Variants in ADAMTSL1 observed in about 807,000 individuals in gnomAD.
The protein encoded by ADAMTSL1 is ADAMTS like 1.
ADAMTSL1 carries 126 observed loss-of-function variants against 201.8 expected under a neutral mutation model. The ratio of observed to expected loss-of-function variants is 0.62; its 90% CI spans 0.54 to 0.72. The LOEUF (loss-of-function observed/expected upper bound fraction) is 0.72. Among genes scored for constraint, ADAMTSL1 ranks in the 30% least tolerant of loss-of-function variants. ADAMTSL1 has a pLI of 0.00. For missense variants in ADAMTSL1, 2,679 were observed against 2,277.8 expected (o/e 1.18, Z -3.59); for synonymous variants, 1,121 against 903.4 (o/e 1.24, Z -4.32).
chr9:18,510,590 C>G (rs1817967266), intron 2 of ADAMTSL1, among the ~76,000 whole-genome samples: 2 of 152,054 alleles, frequency 1.3e-5, no homozygotes, highest in Non-Finnish European at 2.9e-5. Context: ...TGATCATTGC[C>G]TTTATCTGCA....
chr9:18,039,495 T>G (rs1372092147), intron 1 of ADAMTSL1, among the ~76,000 whole-genome samples: 3 of 152,132 alleles, frequency 2.0e-5, no homozygotes, highest in Admixed American at 2.0e-4. Flanking sequence ...GTATTATTGG[T>G]GTATTTTTAT....
At chr9:18,131,837 G>A (rs950365629) in intron 1 of ADAMTSL1, among the ~76,000 whole-genome samples, 1 of 152,118 alleles carries the variant, frequency 6.6e-6, no homozygotes, top group African/African-American at 2.4e-5. Flanking sequence ...GGGCCACCTT[G>A]CTTCCCTAAG....
intron 1 of ADAMTSL1, among the ~76,000 whole-genome samples, chr9:18,486,484 G>A (rs1822000634): frequency 1.3e-5 from 2 of 152,142 alleles, no homozygotes; most frequent in Non-Finnish European, 2.9e-5. Context: ...CAGGAGGATC[G>A]CTTGAGCCCA....
intron 19 of ADAMTSL1, among the ~76,000 whole-genome samples, chr9:18,793,485 T>C (rs1822179883): frequency 6.6e-6 from 1 of 152,164 alleles, no homozygotes; most frequent in Non-Finnish European, 1.5e-5. Context: ...GGCTTAATCT[T>C]ACCACAGAGT....
intron 13 of ADAMTSL1, among the ~76,000 whole-genome samples, chr9:18,689,101 A>G (rs944718): frequency 0.54 from 81,828 of 151,734 alleles, 22,383 homozygotes; most frequent in East Asian, 0.74. Context: ...GAAACTCTCA[A>G]AAGTGTACAT....
intron 23 of ADAMTSL1, among the ~76,000 whole-genome samples, chr9:18,881,853 G>C (rs988961845): frequency 1.3e-5 from 2 of 152,118 alleles, no homozygotes; most frequent in East Asian, 3.9e-4. Flanking sequence ...CCACATCCAT[G>C]GCAGGCCTGC....
intron 2 of ADAMTSL1, among the ~76,000 whole-genome samples, chr9:18,165,871 C>A (rs866849072): frequency 2.0e-5 from 3 of 151,994 alleles, no homozygotes; most frequent in Non-Finnish European, 4.4e-5. Context: ...TCGCCGTAAT[C>A]TCCGTTTGTC....
At chr9:18,303,986 G>A (rs12235198) in intron 2 of ADAMTSL1, among the ~76,000 whole-genome samples, 12,556 of 152,022 alleles carry the variant, frequency 0.083, 674 homozygotes, top group East Asian at 0.22. Context: ...CTCTCCACCC[G>A]TTCCGACAGT....
intron 2 of ADAMTSL1, among the ~76,000 whole-genome samples, chr9:18,356,825 T>C (rs939345096): frequency 3.3e-5 from 5 of 152,210 alleles, no homozygotes; most frequent in South Asian, 4.1e-4. Flanking sequence ...AAGAAAGTGC[T>C]ATTGTCCATT....
intron 3 of ADAMTSL1, among the ~76,000 whole-genome samples, chr9:18,563,899 C>A (rs1475136998): frequency 6.6e-6 from 1 of 152,232 alleles, no homozygotes; most frequent in African/African-American, 2.4e-5. Flanking sequence ...CTTCAGACTG[C>A]TGTGCTGGCA....
At chr9:18,033,723 A>C (rs986854847) in intron 1 of ADAMTSL1, among the ~76,000 whole-genome samples, 4 of 152,206 alleles carry the variant, frequency 2.6e-5, no homozygotes, top group African/African-American at 9.7e-5. Flanking sequence ...CACCGTCTGC[A>C]CGCTATAGTT....
chr9:18,141,538 C>T (rs539624879), intron 1 of ADAMTSL1, among the ~76,000 whole-genome samples: 2 of 152,280 alleles, frequency 1.3e-5, no homozygotes, highest in African/African-American at 4.8e-5. Flanking sequence ...AAGTAACCAG[C>T]TAGAGGCAGC....
intron 2 of ADAMTSL1, among the ~76,000 whole-genome samples, chr9:18,418,197 A>G (rs1265462307): frequency 3.3e-5 from 5 of 152,198 alleles, no homozygotes; most frequent in African/African-American, 1.2e-4. Flanking sequence ...GTTTCTTCTA[A>G]CTGATAAAGA....
chr9:18,681,400 T>C (rs1830461075), intron 11 of ADAMTSL1: 1 of 152,776 alleles, frequency 6.5e-6, no homozygotes, highest in Admixed American at 6.5e-5. Flanking sequence ...TTGATATCCA[T>C]GTAGGGGTAT....
intron 1 of ADAMTSL1, among the ~76,000 whole-genome samples, chr9:18,033,728 A>G (rs528184052): frequency 9.8e-5 from 15 of 152,350 alleles, no homozygotes; most frequent in Non-Finnish European, 2.1e-4. Flanking sequence ...TCTGCACGCT[A>G]TAGTTCCATC....
At chr9:18,412,936 C>G (rs1049349945) in intron 2 of ADAMTSL1, among the ~76,000 whole-genome samples, 3 of 152,076 alleles carry the variant, frequency 2.0e-5, no homozygotes, top group African/African-American at 7.2e-5. Flanking sequence ...ATTTTTGCAT[C>G]TATATCCAAG....
rs542089851 is a variant in ADAMTSL1 at position 18,360,915 on chromosome 9, G to A, written c.208-143914G>A. Among the ~76,000 whole-genome samples, 145 of 152,032 alleles carry A rather than the reference G, an allele frequency of 9.5e-4. 1 individual carries two copies. The highest frequency in any genetic ancestry group is 1.6e-3 in the Non-Finnish European group (108 of 68,006). Reference sequence around the variant, plus strand: ...ACCATTTTTAAGTTTCCCATCTCCTGCTTTCCCTGCCGCCAAATAAATGAA... The same window carrying A: ...ACCATTTTTAAGTTTCCCATCTCCTACTTTCCCTGCCGCCAAATAAATGAA... On this transcript the variant is annotated intron_variant, in intron 2 of 29. Coordinates refer to the ADAMTSL1 transcript ENST00000680146.
chr9:18,903,063 G>C (rs926572523), intron 26 of ADAMTSL1, among the ~76,000 whole-genome samples: 1 of 152,152 alleles, frequency 6.6e-6, no homozygotes, highest in Non-Finnish European at 1.5e-5. Context: ...AAATTAGCCA[G>C]GTGTGTTGGT....
At chr9:17,968,803 A>G (rs1387405118) in intron 1 of ADAMTSL1, among the ~76,000 whole-genome samples, 3 of 152,122 alleles carry the variant, frequency 2.0e-5, no homozygotes, top group Non-Finnish European at 2.9e-5. Context: ...GGCTTCTAAT[A>G]CATTGGAAAT....
Sources: allele counts gnomAD v4.1 joint callset (sites outside exome capture counted in the v4.1 genomes callset), GRCh38; gene constraint gnomAD v4.1.1; transcripts MANE v1.5; gene names NCBI Gene and HGNC (gene_info 2026-07-23, HGNC 2026-07-21).